Variants in CELSR1 observed in about 807,000 individuals in gnomAD.
CELSR1 encodes the protein adhesion G protein-coupled receptor C1.
Under a neutral mutation model 249.1 loss-of-function variants are expected in CELSR1, and 110 were observed. The observed-to-expected ratio is 0.44, with a 90% CI of 0.38 to 0.52. CELSR1 has a LOEUF of 0.52. CELSR1 is among the 20% of genes least tolerant of loss of function. CELSR1 has a pLI of 0.00. For synonymous variants in CELSR1, 2,113 were observed against 1,900.0 expected (o/e 1.11, Z -2.92); for missense variants, 4,109 against 4,296.4 (o/e 0.96, Z 1.22).
intron 1 of CELSR1, among the ~76,000 whole-genome samples, chr22:46,525,319 C>T (rs535352125): frequency 2.0e-5 from 3 of 152,162 alleles, no homozygotes; most frequent in East Asian, 3.9e-4. Context: ...TGTGGTGGTG[C>T]GCGCCTGTCA....
intron 1 of CELSR1, among the ~76,000 whole-genome samples, chr22:46,477,488 T>A (rs1052632120): frequency 6.6e-6 from 1 of 151,092 alleles, no homozygotes; most frequent in African/African-American, 2.4e-5. Context: ...ACGAGCCTGT[T>A]TTTTTGTTTT....
intron 24 of CELSR1, among the ~76,000 whole-genome samples, 179 bp from the exon 25 acceptor site, chr22:46,373,236 A>C (rs2078875633): frequency 6.6e-6 from 1 of 152,114 alleles, no homozygotes; most frequent in Non-Finnish European, 1.5e-5. Flanking sequence ...GAAAATCAAC[A>C]TCCACGGAGC....
At position 46,445,526 on chromosome 22, in the gene CELSR1, A is replaced by G. The variant is rs1309997710; in HGVS notation, c.4184-6115T>C. Among the ~76,000 whole-genome samples the G allele has an allele frequency of 6.6e-6, 1 of 152,114 alleles. No individual in the cohort carries two copies. The highest frequency in any genetic ancestry group is 1.9e-4 in the East Asian group (1 of 5,168). The stretch of plus-strand genomic sequence containing the variant: ...TGAATAAAAAATAAAGACACCAGTC[A>G]TTGGATTTAGGGTCCACCCTAAATC... On this transcript the variant is annotated intron_variant, in intron 2 of 34. Coordinates refer to ENST00000674500, the MANE Select transcript of CELSR1 (RefSeq NM_001378328.1). The surrounding 1 kb of genome is among the most constrained non-coding windows in gnomAD (Gnocchi z 4.4).
At chr22:46,424,577 C>A (rs748460785) in intron 5 of CELSR1, among the ~76,000 whole-genome samples, 2 of 152,178 alleles carry the variant, frequency 1.3e-5, no homozygotes, top group Non-Finnish European at 2.9e-5. Flanking sequence ...ACTACAAGGA[C>A]CCTGCCTGTG....
rs115853331 is a variant in CELSR1 at position 46,465,635 on chromosome 22, G to A, written c.3545-1290C>T. On this transcript the variant is annotated intron_variant, in intron 1 of 34. Coordinates refer to ENST00000674500, the MANE Select transcript of CELSR1 (RefSeq NM_001378328.1). ...CGGAACAAGAGCAGCAGGTGGCTCC[G>A]CACCCGGCGCTTTCCCAGCACCAGG... 3.9e-3 allele frequency among the ~76,000 whole-genome samples: 599 copies of A among 152,360 alleles called. 6 individuals carry two copies. Among genetic ancestry groups the A allele is most frequent in the African/African-American group, 0.013 (561 of 41,592 alleles).
chr22:46,481,970 G>A (rs1016981925), intron 1 of CELSR1, among the ~76,000 whole-genome samples: 8 of 151,962 alleles, frequency 5.3e-5, no homozygotes, highest in Non-Finnish European at 4.4e-5. Context: ...ATGGGGTTTC[G>A]CCATGTTGGA....
chr22:46,433,383 C>A lies in CELSR1; in HGVS notation c.4611+10G>T. The A allele has an allele frequency of 6.2e-7, 1 of 1,610,256 alleles. No individual in the cohort carries two copies. The highest frequency in any genetic ancestry group is 1.1e-5 in the South Asian group (1 of 90,914). ...CTGGGGCCAGGGGGAAGTGGTGGGG[C>A]CCATCTTACCTTGTTGTAGTACTGC... On this transcript the variant is annotated intron_variant, in intron 5 of 34. Transcript: ENST00000674500. This position sits in a 1 kb window ranked among gnomAD's most constrained non-coding sequence, Gnocchi z 5.7.
rs1412087248 is a variant in CELSR1, at chr22:46,463,908, C to A, written c.3982G>T (p.Ala1328Ser). Residue 1328 changes from alanine to serine, a missense_variant, in exon 2 of 35, where the codon GCG (alanine) becomes TCG (serine). By Grantham distance (99) the Ala-to-Ser change is moderately conservative. Coordinates refer to ENST00000674500, the MANE Select transcript of CELSR1 (RefSeq NM_001378328.1). ...CVSVLRFDSS[A>S]PFLSSTTVLF... ...ACGGTGGTGGAGCTGAGGAAGGGCG[C>A]GGAGCTGTCGAATCGCAGAACGGAC... is the stretch of plus-strand genomic sequence containing the variant. 6 of 1,613,644 alleles carry A rather than the reference C, an allele frequency of 3.7e-6. No individual in the cohort carries two copies. Among genetic ancestry groups the A allele is most frequent in the Non-Finnish European group, 5.1e-6 (6 of 1,179,898 alleles).
In CELSR1 at chr22:46,536,907, C is replaced by A; in HGVS notation, c.264G>T (p.Leu88=). The stretch of plus-strand genomic sequence containing the variant: ...CACTGCGGGCCACCAAGCGGACTTG[C>A]AGCGGCAGCGGGCGCCCCGCGCCCG... ...RVSGAGRPLP[L]QVRLVARSAP... Residue 88 remains leucine, a synonymous_variant, in exon 1 of 35, where the codon CTG becomes CTT. Transcript: ENST00000674500. 8.4e-7 allele frequency: 1 copy of A among 1,193,658 alleles called. No homozygotes were observed. The allele number at this position is 1,193,658 out of a possible 1,614,324, so 73.9% of individuals were successfully genotyped here. A position where few individuals can be genotyped will look rare whatever the true frequency, so the allele number is the denominator to read the frequency against.
chr22:46,477,003 T>G (rs895260798), intron 1 of CELSR1, among the ~76,000 whole-genome samples: 6 of 152,310 alleles, frequency 3.9e-5, no homozygotes, highest in African/African-American at 1.4e-4. Context: ...TATTTTGGCG[T>G]GACATTGTAC....
rs955822795 is a variant in CELSR1, at chr22:46,363,057, C to T, written c.*166G>A. The stretch of plus-strand genomic sequence containing the variant: ...AGACCTTTGTGTCTGGATGATCAGT[C>T]GGGGGGCTGCCACCATGGGGACCGC... On this transcript the variant is annotated 3_prime_UTR_variant, in exon 35 of 35. Transcript: ENST00000674500. The surrounding 1 kb of genome is among the most constrained non-coding windows in gnomAD (Gnocchi z 4.3). 3.4e-5 allele frequency: 48 copies of T among 1,429,506 alleles called. No homozygotes were observed. The highest frequency in any genetic ancestry group is 2.3e-5 in the South Asian group (2 of 85,896). 88.6% of individuals were successfully genotyped at this position (1,429,506 alleles called of 1,614,324 possible).
chr22:46,412,067 C>T lies in CELSR1; in HGVS notation c.4612-308G>A, dbSNP rs1015026067. 6.6e-6 allele frequency among the ~76,000 whole-genome samples: 1 copy of T among 152,156 alleles called. No homozygotes were observed. The highest frequency in any genetic ancestry group is 2.4e-5 in the African/African-American group (1 of 41,444). ...CCTGATCCAAGATGACTGGTGTCCT[C>T]TTAAGAGGACAGATGCTGAGATGCA... On this transcript the variant is annotated intron_variant, in intron 5 of 34. Coordinates refer to ENST00000674500, the MANE Select transcript of CELSR1 (RefSeq NM_001378328.1). The surrounding 1 kb of genome is among the most constrained non-coding windows in gnomAD (Gnocchi z 4.5).
chr22:46,492,746 ACCGTGCTCGG>A (rs2080379423), intron 1 of CELSR1, among the ~76,000 whole-genome samples: 1 of 151,554 alleles, frequency 6.6e-6, no homozygotes, highest in Non-Finnish European at 1.5e-5. Context: ...GGCAAGATCC[ACCGTGCTCGG>A]CCGAAACCCA....
rs991549157 is a variant in CELSR1 at position 46,364,265 on chromosome 22, A to G, written c.8780-14T>C. On this transcript the variant is annotated splice_polypyrimidine_tract_variant and intron_variant, in intron 33 of 34. Transcript: ENST00000674500. ...TTTTCAAGATGCCTGGGAGGAGGAGACACGGCAAGGTCAAGTCCGGGTGAT... is the reference window on the plus strand; with the variant it reads ...TTTTCAAGATGCCTGGGAGGAGGAGGCACGGCAAGGTCAAGTCCGGGTGAT... 4 of 1,605,328 alleles carry G rather than the reference A, an allele frequency of 2.5e-6. No individual in the cohort carries two copies. The highest frequency in any genetic ancestry group is 1.3e-5 in the African/African-American group (1 of 74,630).
At chr22:46,480,635 A>C (rs1444789183) in intron 1 of CELSR1, among the ~76,000 whole-genome samples, 1 of 152,230 alleles carries the variant, frequency 6.6e-6, no homozygotes, top group Admixed American at 6.5e-5. Flanking sequence ...CGAAGAGGAA[A>C]TATCTCTCTG....
In CELSR1 at chr22:46,397,230, C is replaced by T. The variant is rs565208377; in HGVS notation, c.5701+444G>A. ...GTGATCCTCCCACCTCAGCCTCCCA[C>T]GTAGCTAGGACTACAGATGCGTGCC... On this transcript the variant is annotated intron_variant, in intron 12 of 34. Coordinates refer to ENST00000674500, the MANE Select transcript of CELSR1 (RefSeq NM_001378328.1). Among the ~76,000 whole-genome samples, 6 of 150,998 alleles carry T rather than the reference C, an allele frequency of 4.0e-5. No homozygotes were observed. In the South Asian group the frequency reaches 1.3e-3, roughly 32 times the overall value.
chr22:46,429,424 G>A lies in CELSR1; in HGVS notation c.4611+3969C>T, dbSNP rs745777429. Among the ~76,000 whole-genome samples the A allele has an allele frequency of 1.6e-4, 24 of 152,326 alleles. No homozygotes were observed. Among genetic ancestry groups the A allele is most frequent in the Non-Finnish European group, 4.4e-5 (3 of 68,038 alleles). ...TCCACTCGGCCCCAAACCTCCCGGCGTGGCTGTGGGCGTGGGGGCTGTGTT... is the reference window on the plus strand; with the variant it reads ...TCCACTCGGCCCCAAACCTCCCGGCATGGCTGTGGGCGTGGGGGCTGTGTT... On this transcript the variant is annotated intron_variant, in intron 5 of 34. Transcript: ENST00000674500. This position sits in a 1 kb window ranked among gnomAD's most constrained non-coding sequence, Gnocchi z 4.1.
At chr22:46,449,956 T>TCACATGCTCACACA (rs2079864350) in intron 2 of CELSR1, among the ~76,000 whole-genome samples, 1 of 151,708 alleles carries the variant, frequency 6.6e-6, no homozygotes, top group Non-Finnish European at 1.5e-5. Flanking sequence ...ATGCACGCAC[T>TCACATGCTCACACA]CACATGCTCA....
chr22:46,531,212 T>TA (rs1718726427), intron 1 of CELSR1, among the ~76,000 whole-genome samples: 1 of 151,780 alleles, frequency 6.6e-6, no homozygotes, highest in South Asian at 2.1e-4. Context: ...TTTATTTATT[T>TA]ATTTATTTAT....
Sources: allele counts gnomAD v4.1 joint callset (sites outside exome capture counted in the v4.1 genomes callset), GRCh38; gene constraint gnomAD v4.1.1; non-coding constraint Gnocchi (gnomAD v3.1); transcripts MANE v1.5; gene names NCBI Gene and HGNC (gene_info 2026-07-23, HGNC 2026-07-21).